Variants in GPS1 observed in about 807,000 individuals in gnomAD.
The protein encoded by GPS1 is COP9 signalosome complex subunit 1.
In GPS1, 11 loss-of-function variants were observed where a neutral mutation model predicts 60.0. The ratio of observed to expected loss-of-function variants is 0.18; its 90% CI spans 0.12 to 0.30. GPS1 has a LOEUF of 0.30. Among genes scored for constraint, GPS1 ranks in the 10% least tolerant of loss-of-function variants. The pLI is 1.00. For synonymous variants in GPS1, 343 were observed against 269.8 expected, an observed-to-expected ratio of 1.27 and a Z score of -2.66; for missense variants, 543 against 669.2, an observed-to-expected ratio of 0.81 and a Z score of 2.08.
In GPS1 at chr17:82,057,184, G is replaced by A. The variant is rs138450617; in HGVS notation, c.*57G>A. The A allele has an allele frequency of 1.9e-5, 30 of 1,578,448 alleles. No homozygotes were observed. Among genetic ancestry groups the A allele is most frequent in the East Asian group, 6.8e-5 (3 of 44,396 alleles). On this transcript the variant is annotated 3_prime_UTR_variant, in exon 13 of 13. Transcript: ENST00000578552. ...CCCCCTCCCCACCTCCACGGACCTCGGACCTCCAGGCGGCTCAGTGCTGCC... is the reference window on the plus strand; with the variant it reads ...CCCCCTCCCCACCTCCACGGACCTCAGACCTCCAGGCGGCTCAGTGCTGCC...
upstream of GPS1, chr17:82,051,494 G>A: frequency 7.3e-7 from 1 of 1,372,944 alleles, no homozygotes; most frequent in Non-Finnish European, 9.4e-7. The surrounding 1 kb of genome is among the most constrained non-coding windows in gnomAD (Gnocchi z 4.1). Context: ...TCGGGGTCCG[G>A]CGCACCTGCT....
At chr17:82,054,440 T>C (rs1235727677) in intron 3 of GPS1, 70 bp from the exon 4 acceptor site, 1 of 1,436,524 alleles carries the variant, frequency 7.0e-7, no homozygotes, top group Non-Finnish European at 9.1e-7. Context: ...CAGCCTGAGA[T>C]TGGCGGCTTC....
Position 82,054,510 on chromosome 17 carries a change from G to T in GPS1, c.309G>T (p.Arg103Ser). The T allele has an allele frequency of 6.6e-7, 1 of 1,514,616 alleles. No individual in the cohort carries two copies. Among genetic ancestry groups the T allele is most frequent in the East Asian group, 2.3e-5 (1 of 43,318 alleles). 93.8% of individuals were successfully genotyped at this position (1,514,616 alleles called of 1,614,324 possible). ...EIHRKLSEAT[R>S]ELQNAPDAIP... ...TCCTGATGGCCAGGTCCTCTCTCAGGGAGCTGCAGAACGCACCCGACGCCA... is the reference window on the plus strand; with the variant it reads ...TCCTGATGGCCAGGTCCTCTCTCAGTGAGCTGCAGAACGCACCCGACGCCA... Residue 103 changes from arginine to serine, a missense_variant and splice_region_variant, in exon 4 of 13, where the codon AGG becomes AGT. Arg to Ser is a moderately radical substitution (Grantham distance 110). This residue lies in a region of GPS1 where 181 missense variants were observed against 188.8 expected (regional missense o/e 0.96). Coordinates refer to ENST00000578552, the MANE Select transcript of GPS1 (RefSeq NM_001321092.3).
intron 1 of GPS1, 161 bp downstream of exon 1, chr17:82,052,125 A>G (rs1331846252): frequency 4.4e-6 from 4 of 906,418 alleles, no homozygotes; most frequent in Non-Finnish European, 5.7e-6. Context: ...TGCAGGGCCG[A>G]GGGCGCGTCT....
intron 8 of GPS1, 55 bp downstream of exon 8, chr17:82,056,150 G>T (rs892146882): frequency 8.1e-6 from 12 of 1,476,380 alleles, no homozygotes; most frequent in African/African-American, 1.4e-5. Flanking sequence ...CTCCGTGGCT[G>T]CTGCTTCGGC....
intron 4 of GPS1, 36 bp from the exon 5 acceptor site, chr17:82,054,862 C>A: frequency 6.4e-7 from 1 of 1,567,646 alleles, no homozygotes; most frequent in Non-Finnish European, 8.7e-7. Context: ...GCCATTGGGG[C>A]GCCCGGGCTC....
chr17:82,052,444 T>C (rs752788575), intron 1 of GPS1: 4 of 1,611,244 alleles, frequency 2.5e-6, no homozygotes, highest in East Asian at 2.2e-5. Flanking sequence ...TGTCGGCCTG[T>C]ACGCTGCTCT....
chr17:82,054,498 G>A lies in GPS1; in HGVS notation c.309-12G>A, dbSNP rs775038430. ...TGACCGCCGCCATCCTGATGGCCAG[G>A]TCCTCTCTCAGGGAGCTGCAGAACG... On this transcript the variant is annotated splice_polypyrimidine_tract_variant and intron_variant, in intron 3 of 12. Transcript: ENST00000578552. 9 of 1,493,794 alleles carry A rather than the reference G, an allele frequency of 6.0e-6. No individual in the cohort carries two copies. The South Asian group carries it at 6.6e-5, about 11-fold the overall frequency. 92.5% of individuals were successfully genotyped at this position (1,493,794 alleles called of 1,614,324 possible).
upstream of GPS1, chr17:82,051,207 C>G (rs2030503904): frequency 1.5e-6 from 2 of 1,305,378 alleles, no homozygotes; most frequent in African/African-American, 1.5e-5. The surrounding 1 kb of genome is among the most constrained non-coding windows in gnomAD (Gnocchi z 4.1). Context: ...GAGAAAGGCA[C>G]CCACAGCAGC....
intron 2 of GPS1, 156 bp downstream of exon 2, chr17:82,053,522 G>A (rs892941745): frequency 5.5e-6 from 3 of 548,964 alleles, no homozygotes; most frequent in Non-Finnish European, 9.1e-6. Flanking sequence ...TTCTGATTGC[G>A]CACTCACATG....
chr17:82,056,818 C>T (rs371197963), intron 11 of GPS1, 22 bp from the exon 12 acceptor site: 48 of 1,610,706 alleles, frequency 3.0e-5, no homozygotes, highest in Middle Eastern at 3.3e-4. Flanking sequence ...GCCTGGGCCC[C>T]GCTGAGCTTG....
chr17:82,053,171 TG>T, intron 1 of GPS1, 102 bp from the exon 2 acceptor site: 1 of 902,992 alleles, frequency 1.1e-6, no homozygotes, highest in Non-Finnish European at 1.5e-6. Flanking sequence ...CCGACTGGCC[TG>T]GAAGATCTTG....
intron 1 of GPS1, chr17:82,052,232 C>T (rs748412379): frequency 4.9e-5 from 78 of 1,593,640 alleles, no homozygotes; most frequent in Non-Finnish European, 6.5e-5. Flanking sequence ...GCCGCCCCGA[C>T]GCTAACGCTC....
upstream of GPS1, chr17:82,051,282 G>C: frequency 7.2e-7 from 1 of 1,382,832 alleles, no homozygotes; most frequent in East Asian, 2.8e-5. This position sits in a 1 kb window ranked among gnomAD's most constrained non-coding sequence, Gnocchi z 4.1. Context: ...CCGGGGAGTG[G>C]GGGACACTCA....
In GPS1 at chr17:82,056,951, C is replaced by T. The variant is rs1295213215; in HGVS notation, c.1366C>T (p.Leu456Phe). The T allele has an allele frequency of 6.2e-7, 1 of 1,612,888 alleles. No homozygotes were observed. Residue 456 changes from leucine (L) to phenylalanine (F), a missense_variant, in exon 12 of 13, where the codon CTC becomes TTC. Physicochemically the swap from Leu to Phe is conservative, Grantham distance 22 (BLOSUM62 0). Around this residue, in one of 3 missense-constraint regions of GPS1, gnomAD observed 291 missense variants for 353.7 expected, o/e 0.82. Transcript: ENST00000578552. ...AKAMMLRAAV[L>F]RNQIHVKSPP... ...GGCCATGATGCTGCGGGCAGCTGTG[C>T]TCCGCAACCAGATCCATGTCAAGGT...
At position 82,055,739 on chromosome 17, in the gene GPS1, G is replaced by C. The variant is rs945308381; in HGVS notation, c.749-1G>C. On this transcript the variant is annotated splice_acceptor_variant, in intron 6 of 12. Transcript: ENST00000578552. LOFTEE classifies it high-confidence loss of function. ...TCCCCGCCCCCGGCTCCTTCCACTA[G>C]GCTTGGCAGAGCTGGCCGCCAGGAA... 1 of 1,547,870 alleles carries C rather than the reference G, an allele frequency of 6.5e-7. No homozygotes were observed. Among genetic ancestry groups the C allele is most frequent in the African/African-American group, 1.4e-5 (1 of 73,114 alleles).
chr17:82,051,080 G>T, upstream of GPS1: 1 of 1,370,828 alleles, frequency 7.3e-7, no homozygotes, highest in South Asian at 1.9e-5. This position sits in a 1 kb window ranked among gnomAD's most constrained non-coding sequence, Gnocchi z 4.1. Context: ...CACGCCCCGG[G>T]AAGCGGCTAG....
intron 11 of GPS1, 27 bp from the exon 12 acceptor site, chr17:82,056,813 G>A: frequency 6.2e-7 from 1 of 1,609,910 alleles, no homozygotes; most frequent in Non-Finnish European, 8.5e-7. Context: ...GGTGAGCCTG[G>A]GCCCCGCTGA....
intron 1 of GPS1, chr17:82,052,544 C>G (rs984470247): frequency 3.4e-6 from 5 of 1,483,232 alleles, no homozygotes; most frequent in Non-Finnish European, 4.6e-6. Context: ...CCCTGCTGCT[C>G]TGCTGGCCGA....
Sources: allele counts gnomAD v4.1 joint callset, GRCh38; gene constraint gnomAD v4.1.1; regional missense constraint gnomAD v4.1.1; non-coding constraint Gnocchi (gnomAD v3.1); transcripts MANE v1.5; gene names NCBI Gene and HGNC (gene_info 2026-07-23, HGNC 2026-07-21).